Variants in DMXL1 observed in about 807,000 individuals in gnomAD.
DMXL1 encodes the protein dmX-like protein 1.
Under a neutral mutation model 319.2 loss-of-function variants are expected in DMXL1, and 99 were observed. The observed-to-expected ratio is 0.31, with a 90% confidence interval of 0.26 to 0.37. The LOEUF (loss-of-function observed/expected upper bound fraction) is 0.37. Among genes scored for constraint, DMXL1 ranks in the 10% least tolerant of loss-of-function variants. The pLI is 1.00. For missense variants in DMXL1, 3,745 were observed against 3,595.6 expected, an observed-to-expected ratio of 1.04 and a Z score of -1.06; for synonymous variants, 1,385 against 1,235.2, an observed-to-expected ratio of 1.12 and a Z score of -2.54.
chr5:119,206,745 T>C (rs957560310), intron 33 of DMXL1, 89 bp from the exon 34 acceptor site: 1 of 772,568 alleles, frequency 1.3e-6, no homozygotes. Flanking sequence ...AAATTTGGTT[T>C]AAAATATAGC....
chr5:119,161,265 T>C (rs1772207251), intron 19 of DMXL1, among the ~76,000 whole-genome samples: 1 of 152,214 alleles, frequency 6.6e-6, no homozygotes, highest in Non-Finnish European at 1.5e-5. Context: ...GCAAGACCAC[T>C]GTCAAGACCA....
At chr5:119,187,076 T>TA (rs536796854) in intron 28 of DMXL1, among the ~76,000 whole-genome samples, 36 of 147,024 alleles carry the variant, frequency 2.4e-4, no homozygotes, top group Middle Eastern at 3.5e-3. Flanking sequence ...AAGTATAATT[T>TA]AAAAAAAAAA....
intron 38 of DMXL1, among the ~76,000 whole-genome samples, chr5:119,231,079 T>C (rs1464849731): frequency 1.3e-5 from 2 of 152,192 alleles, no homozygotes; most frequent in Non-Finnish European, 2.9e-5. Context: ...AGCCTCTGCA[T>C]ACCAATCAAA....
rs762490627 is a variant in DMXL1, at chr5:119,167,675, A to G, written c.5209A>G (p.Thr1737Ala). 11 of 1,613,142 alleles carry G rather than the reference A, an allele frequency of 6.8e-6. No individual in the cohort carries two copies. In the Middle Eastern group the frequency reaches 9.9e-4, roughly 145 times the overall value. ...AAGACTCTATGAGTCTGAATTTGATACATCTGCAGCATATAAATCTATTTT... is the reference window on the plus strand; with the variant it reads ...AAGACTCTATGAGTCTGAATTTGATGCATCTGCAGCATATAAATCTATTTT... ...IARLYESEFD[T>A]SAAYKSILRK... The change falls in exon 23 of 44, where the codon ACA (threonine) becomes GCA (alanine). Residue 1737 changes from threonine (T) to alanine (A), a missense_variant. Coordinates refer to ENST00000539542, the MANE Select transcript of DMXL1 (RefSeq NM_001290321.3).
At chr5:119,189,120 G>C (rs1022285700) in intron 28 of DMXL1, among the ~76,000 whole-genome samples, 2 of 152,026 alleles carry the variant, frequency 1.3e-5, no homozygotes, top group African/African-American at 4.8e-5. Context: ...TCTAATTATA[G>C]AGTGTTCACA....
At chr5:119,134,512 T>C (rs1260096234) in intron 13 of DMXL1, 123 bp downstream of exon 13, 3 of 874,510 alleles carry the variant, frequency 3.4e-6, no homozygotes, top group East Asian at 5.3e-5. Flanking sequence ...ATCTTTGTTT[T>C]ATTTTTTCAC....
chr5:119,088,477 G>C (rs1405693660), intron 1 of DMXL1, among the ~76,000 whole-genome samples: 1 of 152,122 alleles, frequency 6.6e-6, no homozygotes, highest in African/African-American at 2.4e-5. Context: ...AAGTAATTGT[G>C]AGTTTTGCCT....
chr5:119,214,003 A>G (rs182597334), intron 34 of DMXL1, among the ~76,000 whole-genome samples: 1 of 152,242 alleles, frequency 6.6e-6, no homozygotes, highest in East Asian at 1.9e-4. Context: ...GTTGCCCCAG[A>G]ATTCAGTTCT....
At chr5:119,153,749 G>A (rs536349044) in intron 19 of DMXL1, among the ~76,000 whole-genome samples, 63 of 152,280 alleles carry the variant, frequency 4.1e-4, no homozygotes, top group African/African-American at 1.2e-3. Flanking sequence ...ACAAGATTTC[G>A]TTTTTTAAGG....
At chr5:119,176,202 A>T (rs1343657499) in intron 26 of DMXL1, among the ~76,000 whole-genome samples, 1 of 152,006 alleles carries the variant, frequency 6.6e-6, no homozygotes, top group African/African-American at 2.4e-5. Flanking sequence ...TTCTGTTTCT[A>T]TAACATTTCT....
intron 5 of DMXL1, 33 bp downstream of exon 5, chr5:119,110,316 AC>A: frequency 6.7e-7 from 1 of 1,503,378 alleles, no homozygotes; most frequent in Non-Finnish European, 8.8e-7. Context: ...AAACTGATAA[AC>A]CTGTTGTTCT....
chr5:119,151,327 C>T (rs1240966348), intron 18 of DMXL1, among the ~76,000 whole-genome samples: 1 of 152,018 alleles, frequency 6.6e-6, no homozygotes, highest in South Asian at 2.1e-4. Flanking sequence ...ATATATACGT[C>T]AGTATCCCTT....
At chr5:119,112,128 A>AT (rs1759768742) in intron 5 of DMXL1, among the ~76,000 whole-genome samples, 1 of 152,024 alleles carries the variant, frequency 6.6e-6, no homozygotes, top group Non-Finnish European at 1.5e-5. Flanking sequence ...TGCCCGGCTA[A>AT]TTTTTTGTGT....
intron 3 of DMXL1, 104 bp from the exon 4 acceptor site, chr5:119,105,076 A>G: frequency 1.4e-6 from 1 of 720,974 alleles, no homozygotes; most frequent in Non-Finnish European, 2.4e-6. Context: ...TTATCTTTAA[A>G]ATTGACTGCC....
chr5:119,080,693 A>G (rs571325756), intron 1 of DMXL1, among the ~76,000 whole-genome samples: 6 of 152,316 alleles, frequency 3.9e-5, no homozygotes, highest in Admixed American at 1.3e-4. Context: ...AACTTAAACA[A>G]TATTGCCAGA....
intron 13 of DMXL1, among the ~76,000 whole-genome samples, chr5:119,140,859 CA>C (rs1329401026): frequency 6.6e-6 from 1 of 152,028 alleles, no homozygotes; most frequent in Non-Finnish European, 1.5e-5. Context: ...AAATCCTTGA[CA>C]AAATACTGGC....
intron 24 of DMXL1, 30 bp downstream of exon 24, chr5:119,171,310 G>A (rs770032214): frequency 1.9e-6 from 3 of 1,544,964 alleles, no homozygotes; most frequent in East Asian, 4.5e-5. Flanking sequence ...GTCAAAAATG[G>A]TACATGTCTA....
intron 35 of DMXL1, among the ~76,000 whole-genome samples, chr5:119,219,502 A>G (rs562811968): frequency 2.6e-5 from 4 of 152,070 alleles, no homozygotes; most frequent in African/African-American, 7.2e-5. Context: ...TGGTAATCCT[A>G]TTTTCTCTTT....
chr5:119,109,184 T>A (rs928934508), intron 4 of DMXL1, among the ~76,000 whole-genome samples: 2 of 152,244 alleles, frequency 1.3e-5, no homozygotes, highest in African/African-American at 2.4e-5. Flanking sequence ...TCCCTGATGT[T>A]GTCTGTCTCT....
Sources: allele counts gnomAD v4.1 joint callset (sites outside exome capture counted in the v4.1 genomes callset), GRCh38; gene constraint gnomAD v4.1.1; transcripts MANE v1.5; gene names NCBI Gene and HGNC (gene_info 2026-07-23, HGNC 2026-07-21).